The following ARHGEF10 variants were observed in gnomAD, a reference collection of about 807,000 sequenced individuals.
ARHGEF10 encodes the protein Rho guanine nucleotide exchange factor 10.
ARHGEF10 carries 140 observed loss-of-function variants against 147.4 expected under a neutral mutation model. The observed-to-expected ratio is 0.95, with a 90% CI of 0.83 to 1.09. The LOEUF (loss-of-function observed/expected upper bound fraction) is 1.09. Ranked by LOEUF, ARHGEF10 falls within the 50% of genes least tolerant of loss-of-function variation. The pLI is 0.00. For missense variants in ARHGEF10, 2,222 were observed against 1,752.7 expected, an observed-to-expected ratio of 1.27 and a Z score of -4.78; for synonymous variants, 902 against 695.8, an observed-to-expected ratio of 1.30 and a Z score of -4.67.
chr8:1,843,391 A>C lies in ARHGEF10; in HGVS notation c.-9A>C. 6.2e-7 allele frequency: 1 copy of C among 1,613,132 alleles called. No homozygotes were observed. The highest frequency in any genetic ancestry group is 8.5e-7 in the Non-Finnish European group (1 of 1,179,950). On this transcript the variant is annotated 5_prime_UTR_variant, in exon 2 of 29. Coordinates refer to ENST00000349830, the MANE Select transcript of ARHGEF10 (RefSeq NM_014629.4). ...TAACAGAGCTGAGAGAGGCATCTGG[A>C]GCTGCAGCATGGACCAGCGAGAGCC...
intron 27 of ARHGEF10, among the ~76,000 whole-genome samples, chr8:1,951,720 A>G (rs1294113378): frequency 6.6e-6 from 1 of 152,224 alleles, no homozygotes; most frequent in East Asian, 1.9e-4. Flanking sequence ...TGTGCTCCTC[A>G]GCTTTGGGGC....
At chr8:1,886,994 C>T (rs911959370) in intron 11 of ARHGEF10, among the ~76,000 whole-genome samples, 10 of 152,148 alleles carry the variant, frequency 6.6e-5, no homozygotes, top group Non-Finnish European at 1.2e-4. Flanking sequence ...AGCTCACCCA[C>T]CTCACTTCAT....
Position 1,903,239 on chromosome 8 carries a change from T to C in ARHGEF10, c.1651-42T>C, listed in dbSNP as rs768161635. 2.5e-6 allele frequency: 4 copies of C among 1,611,526 alleles called. No individual in the cohort carries two copies. In the South Asian group the frequency reaches 3.3e-5, roughly 13 times the overall value. ...GACGCGACTGTTGTTGCACTGGGAGTGTCCACGTGGTAACTGCCCACCTCT... is the reference window on the plus strand; with the variant it reads ...GACGCGACTGTTGTTGCACTGGGAGCGTCCACGTGGTAACTGCCCACCTCT... On this transcript the variant is annotated intron_variant, in intron 15 of 28. Transcript: ENST00000349830.
At chr8:1,925,528 C>A in intron 22 of ARHGEF10, 124 bp downstream of exon 22, 1 of 1,349,688 alleles carries the variant, frequency 7.4e-7, no homozygotes, top group South Asian at 1.3e-5. Context: ...ACCACAGTGA[C>A]CGCTTCTCTA....
chr8:1,926,113 G>A (rs1812672038), intron 22 of ARHGEF10, among the ~76,000 whole-genome samples: 1 of 152,212 alleles, frequency 6.6e-6, no homozygotes, highest in South Asian at 2.1e-4. Flanking sequence ...AGCGCCCTGA[G>A]CTGCCGGATT....
At chr8:1,898,166 A>T (rs1253995490) in intron 14 of ARHGEF10, among the ~76,000 whole-genome samples, 2 of 152,130 alleles carry the variant, frequency 1.3e-5, no homozygotes, top group East Asian at 3.9e-4. Flanking sequence ...CAGCCCCTGG[A>T]ATCTGCCCAG....
At chr8:1,935,228 A>G (rs572977651) in intron 26 of ARHGEF10, among the ~76,000 whole-genome samples, 1 of 151,806 alleles carries the variant, frequency 6.6e-6, no homozygotes, top group African/African-American at 2.4e-5. Flanking sequence ...ACAACCCCCC[A>G]TCAGCCCCGT....
chr8:1,920,372 G>A (rs969040784), intron 18 of ARHGEF10, among the ~76,000 whole-genome samples: 2 of 152,146 alleles, frequency 1.3e-5, no homozygotes, highest in Non-Finnish European at 2.9e-5. Context: ...GCCCAGGCTG[G>A]AGTGCAGTGG....
In ARHGEF10 at chr8:1,833,338, G is replaced by GGAGA. The variant is rs1803372355; in HGVS notation, c.-48+9225_-48+9226insGAGA. Among the ~76,000 whole-genome samples the GGAGA allele has an allele frequency of 3.3e-5, 3 of 90,856 alleles. 1 individual carries two copies. The highest frequency in any genetic ancestry group is 0.011 in the Middle Eastern group (1 of 90). 59.6% of individuals were successfully genotyped at this position (90,856 alleles called of 152,430 possible). ...GAAGCAGAGGGAGACAGAGACAGAG[G>GGAGA]CAGAGACAGAGGCAGAGAGAGACAG... On this transcript the variant is annotated intron_variant, in intron 1 of 28. Transcript: ENST00000349830.
intron 1 of ARHGEF10, 121 bp from the exon 2 acceptor site, chr8:1,843,232 T>C: frequency 1.4e-6 from 1 of 715,168 alleles, no homozygotes; most frequent in Non-Finnish European, 2.5e-6. Flanking sequence ...GTCTTCTAAT[T>C]ATGGCTAGTA....
At chr8:1,896,806 C>T (rs768256019) in intron 14 of ARHGEF10, among the ~76,000 whole-genome samples, 18 of 152,112 alleles carry the variant, frequency 1.2e-4, no homozygotes, top group African/African-American at 3.6e-4. Flanking sequence ...TCTTTGGGAT[C>T]GGGGAGAGGC....
intron 5 of ARHGEF10, among the ~76,000 whole-genome samples, chr8:1,865,168 A>G (rs1170400569): frequency 6.6e-6 from 1 of 152,264 alleles, no homozygotes; most frequent in Admixed American, 6.5e-5. Flanking sequence ...TTTAAACTTT[A>G]AAAGTGCAAG....
At chr8:1,861,194 A>G (rs1482889858) in intron 4 of ARHGEF10, among the ~76,000 whole-genome samples, 2 of 152,218 alleles carry the variant, frequency 1.3e-5, no homozygotes, top group Non-Finnish European at 2.9e-5. Context: ...CATGTGCTCT[A>G]GAAGGGGCTT....
intron 10 of ARHGEF10, 92 bp from the exon 11 acceptor site, chr8:1,885,509 A>T: frequency 1.1e-6 from 1 of 933,474 alleles, no homozygotes; most frequent in East Asian, 2.6e-5. Context: ...AGGTCTACAC[A>T]AAATATTTAT....
At chr8:1,931,333 C>T (rs1442476811) in intron 25 of ARHGEF10, among the ~76,000 whole-genome samples, 1 of 152,188 alleles carries the variant, frequency 6.6e-6, no homozygotes, top group Non-Finnish European at 1.5e-5. Context: ...ATTTCTATTA[C>T]GTAAAATGTA....
chr8:1,841,673 C>G (rs1383334124), intron 1 of ARHGEF10, among the ~76,000 whole-genome samples: 1 of 152,024 alleles, frequency 6.6e-6, no homozygotes, highest in Non-Finnish European at 1.5e-5. Context: ...TCCCATCCCT[C>G]AAACCGAAGT....
At chr8:1,832,759 C>G (rs1269403620) in intron 1 of ARHGEF10, among the ~76,000 whole-genome samples, 6 of 39,690 alleles carry the variant, frequency 1.5e-4, no homozygotes, top group Middle Eastern at 0.036. Flanking sequence ...GAGACAGAGA[C>G]AGAGGCAGAG....
intron 2 of ARHGEF10, 130 bp downstream of exon 2, chr8:1,843,566 AAG>A (rs1804262469): frequency 1.3e-6 from 1 of 765,008 alleles, no homozygotes; most frequent in Non-Finnish European, 2.2e-6. Flanking sequence ...TCTTGGGAGA[AAG>A]AGAAGGTTCT....
At chr8:1,884,162 G>A (rs1458927587) in intron 10 of ARHGEF10, among the ~76,000 whole-genome samples, 4 of 152,150 alleles carry the variant, frequency 2.6e-5, no homozygotes, top group African/African-American at 9.7e-5. Context: ...TGGAGGCCGA[G>A]GCGGGCAGAT....
Sources: gnomAD v4.1 joint callset for allele counts (sites outside exome capture counted in the v4.1 genomes callset) on GRCh38, gnomAD v4.1.1 for gene constraint, MANE v1.5 for transcripts, NCBI Gene and HGNC (gene_info 2026-07-23, HGNC 2026-07-21) for gene names.